Variants in NEMP2 observed in about 807,000 individuals in gnomAD.
NEMP2 encodes nuclear envelope integral membrane protein 2, also known as UPF0571 transmembrane protein.
NEMP2 carries 53 observed loss-of-function variants against 54.2 expected under a neutral mutation model. That is an observed-to-expected ratio of 0.98 (90% CI 0.78 to 1.23). The LOEUF is 1.23. Ranked by LOEUF, NEMP2 falls within the 50% of genes most tolerant of loss-of-function variation. The pLI is 0.00. For synonymous variants in NEMP2, 197 were observed against 190.3 expected (o/e 1.04, Z -0.29); for missense variants, 455 against 511.3 (o/e 0.89, Z 1.06).
chr2:190,490,573 CA>C, the NEMP2 span, among the ~76,000 whole-genome samples: 1 of 149,450 alleles, frequency 6.7e-6, no homozygotes, highest in Non-Finnish European at 1.5e-5. The surrounding 1 kb of genome is among the most constrained non-coding windows in gnomAD (Gnocchi z 4.5). Flanking sequence ...AAAAAAAAAA[CA>C]AAAAACAAAG....
At chr2:190,536,025 T>A (rs957662138), upstream of NEMP2, 2 of 152,266 alleles carry the variant, frequency 1.3e-5, no homozygotes, top group African/African-American at 4.8e-5. Flanking sequence ...TCTACAGATA[T>A]ATCTGGTGGA....
the NEMP2 span, chr2:190,488,578 T>C: frequency 1.5e-5 from 19 of 1,243,160 alleles, no homozygotes; most frequent in Admixed American, 4.5e-4. The surrounding 1 kb of genome is among the most constrained non-coding windows in gnomAD (Gnocchi z 6.4). Context: ...AGGTGCCTAG[T>C]TAAATAATTC....
At chr2:190,606,834 A>C in the NEMP2 span, among the ~76,000 whole-genome samples, 1 of 152,376 alleles carries the variant, frequency 6.6e-6, no homozygotes, top group African/African-American at 2.4e-5. Context: ...CAGATATGCT[A>C]ATTTTTCCCA....
In NEMP2 at chr2:190,508,478, C is replaced by G. The variant is rs1374101824; in HGVS notation, c.*711G>C. 1 of 149,854 alleles carries G rather than the reference C, an allele frequency of 6.7e-6. No individual in the cohort carries two copies. Among genetic ancestry groups the G allele is most frequent in the Non-Finnish European group, 1.5e-5 (1 of 67,692 alleles). 9.3% of individuals were successfully genotyped at this position (149,854 alleles called of 1,614,324 possible). A position where few individuals can be genotyped will look rare whatever the true frequency, so the allele number is the denominator to read the frequency against. On this transcript the variant is annotated 3_prime_UTR_variant, in exon 9 of 9. Coordinates refer to ENST00000409150, the MANE Select transcript of NEMP2 (RefSeq NM_001142645.2). The surrounding 1 kb of genome is among the most constrained non-coding windows in gnomAD (Gnocchi z 4.3). The stretch of plus-strand genomic sequence containing the variant: ...GTCTTGCACAAGTTATTTAACCTCT[C>G]ATGAGCTCAGTTCCACCACCATTAG...
chr2:190,535,984 A>G (rs1387941113), upstream of NEMP2: 4 of 152,238 alleles, frequency 2.6e-5, no homozygotes, highest in South Asian at 2.1e-4. Context: ...GCTAAAATAA[A>G]CAGGTGGGTT....
the NEMP2 span, among the ~76,000 whole-genome samples, chr2:190,639,423 A>G: frequency 1.1e-5 from 1 of 94,496 alleles, no homozygotes; most frequent in Admixed American, 9.6e-5. Flanking sequence ...GATAAAAACA[A>G]TTTTGGGACA....
chr2:190,551,461 T>C, the NEMP2 span, among the ~76,000 whole-genome samples: 1 of 152,082 alleles, frequency 6.6e-6, no homozygotes, highest in African/African-American at 2.4e-5. Flanking sequence ...TCTCCTAGTA[T>C]AGTTTCATTT....
the NEMP2 span, among the ~76,000 whole-genome samples, chr2:190,568,972 T>C: frequency 6.6e-6 from 1 of 151,654 alleles, no homozygotes; most frequent in Non-Finnish European, 1.5e-5. This position sits in a 1 kb window ranked among gnomAD's most constrained non-coding sequence, Gnocchi z 4.7. Flanking sequence ...TATCTGGAAC[T>C]GAAAAAAAAA....
the NEMP2 span, among the ~76,000 whole-genome samples, chr2:190,550,247 C>T: frequency 1.3e-5 from 2 of 152,090 alleles, no homozygotes; most frequent in African/African-American, 4.8e-5. The surrounding 1 kb of genome is among the most constrained non-coding windows in gnomAD (Gnocchi z 4.7). Context: ...ATCAAGATAC[C>T]GGTAGATTCC....
At chr2:190,464,544 C>A in the NEMP2 span, among the ~76,000 whole-genome samples, 1 of 152,146 alleles carries the variant, frequency 6.6e-6, no homozygotes, top group Non-Finnish European at 1.5e-5. Flanking sequence ...CTTTCAGTCA[C>A]CCTGTCTGGC....
chr2:190,641,820 A>G, the NEMP2 span, among the ~76,000 whole-genome samples: 1 of 152,206 alleles, frequency 6.6e-6, no homozygotes, highest in Admixed American at 6.5e-5. Context: ...AAGAGAAGAT[A>G]GAGTTGCGGA....
rs1690717988 is a variant in NEMP2 at position 190,520,500 on chromosome 2, T to C, written c.214-1317A>G. 6.6e-6 allele frequency among the ~76,000 whole-genome samples: 1 copy of C among 152,216 alleles called. No individual in the cohort carries two copies. The highest frequency in any genetic ancestry group is 2.4e-5 in the African/African-American group (1 of 41,452). On this transcript the variant is annotated intron_variant, in intron 2 of 8. Coordinates refer to ENST00000409150, the MANE Select transcript of NEMP2 (RefSeq NM_001142645.2). This position sits in a 1 kb window ranked among gnomAD's most constrained non-coding sequence, Gnocchi z 5.4. ...GAGCACCAGCTTTGAATCTCAGGCA[T>C]CAGGTAATATCACTCACTATCTATC...
At chr2:190,457,022 G>A in the NEMP2 span, among the ~76,000 whole-genome samples, 2 of 152,174 alleles carry the variant, frequency 1.3e-5, no homozygotes, top group African/African-American at 2.4e-5. The surrounding 1 kb of genome is among the most constrained non-coding windows in gnomAD (Gnocchi z 5.1). Context: ...TCCTTAATCC[G>A]CGCGCACAGC....
the NEMP2 span, among the ~76,000 whole-genome samples, chr2:190,617,873 T>G: frequency 5.4e-4 from 82 of 152,356 alleles, no homozygotes; most frequent in African/African-American, 1.9e-3. The surrounding 1 kb of genome is among the most constrained non-coding windows in gnomAD (Gnocchi z 5.0). Context: ...GCCTACATTT[T>G]TATGATTCAA....
At chr2:190,518,584 G>C (rs560109909) in intron 4 of NEMP2, among the ~76,000 whole-genome samples, 152 bp downstream of exon 4, 1 of 152,154 alleles carries the variant, frequency 6.6e-6, no homozygotes, top group African/African-American at 2.4e-5. Flanking sequence ...GTTTTCAAAG[G>C]CCTTTCCAAT....
chr2:190,489,931 C>CG, the NEMP2 span: 1 of 1,337,586 alleles, frequency 7.5e-7, no homozygotes, highest in Non-Finnish European at 1.0e-6. The surrounding 1 kb of genome is among the most constrained non-coding windows in gnomAD (Gnocchi z 6.6). Flanking sequence ...AACAAATGCC[C>CG]CGAGAAGCCT....
At chr2:190,430,795 G>A in the NEMP2 span, among the ~76,000 whole-genome samples, 1 of 150,778 alleles carries the variant, frequency 6.6e-6, no homozygotes, top group African/African-American at 2.4e-5. Flanking sequence ...GGCGGGCAGA[G>A]GCGCCCCCCC....
At chr2:190,619,147 G>A in the NEMP2 span, among the ~76,000 whole-genome samples, 1 of 151,974 alleles carries the variant, frequency 6.6e-6, no homozygotes, top group African/African-American at 2.4e-5. The surrounding 1 kb of genome is among the most constrained non-coding windows in gnomAD (Gnocchi z 5.5). Flanking sequence ...GGGAGGCCAA[G>A]GTGGAAGGAT....
At chr2:190,537,315 A>C (rs1283930840), upstream of NEMP2, among the ~76,000 whole-genome samples, 2 of 152,212 alleles carry the variant, frequency 1.3e-5, no homozygotes, top group Non-Finnish European at 2.9e-5. Context: ...CGCCACCCAA[A>C]TCTCATTTGA....
Sources: gnomAD v4.1 joint callset for allele counts (sites outside exome capture counted in the v4.1 genomes callset) on GRCh38, gnomAD v4.1.1 for gene constraint, Gnocchi (gnomAD v3.1) non-coding constraint, MANE v1.5 for transcripts, NCBI Gene and HGNC (gene_info 2026-07-23, HGNC 2026-07-21) for gene names.